The following GNS variants were observed in gnomAD, a reference collection of about 807,000 sequenced individuals.
The protein encoded by GNS is glucosamine (N-acetyl)-6-sulfatase, also known as N-acetylglucosamine-6-sulfatase.
Under a neutral mutation model 69.7 loss-of-function variants are expected in GNS, and 40 were observed. That is an observed-to-expected ratio of 0.57 (90% CI 0.45 to 0.75). GNS has a LOEUF of 0.75. Ranked by LOEUF, GNS falls within the 30% of genes least tolerant of loss-of-function variation. The pLI is 0.00. For synonymous variants in GNS, 243 were observed against 251.6 expected (o/e 0.97, Z 0.32); for missense variants, 565 against 685.5 (o/e 0.82, Z 1.96).
chr12:64,723,096 C>T lies in GNS; in HGVS notation c.1218G>A (p.Leu406=). 2 of 1,605,610 alleles carry T rather than the reference C, an allele frequency of 1.2e-6. No individual in the cohort carries two copies. The highest frequency in any genetic ancestry group is 8.5e-7 in the Non-Finnish European group (1 of 1,172,308). The change falls in exon 11 of 14, where the codon TTG becomes TTA. Residue 406 remains leucine, a synonymous_variant. Coordinates refer to ENST00000258145, the MANE Select transcript of GNS (RefSeq NM_002076.4). ...LLPILRGASN[L]TWRSDVLVEY... Reference sequence around the variant, plus strand: ...CCACCAGGACATCTGATCGCCAGGTCAAGTTACTGGCACCTCTCTAGAAAG... The same window carrying T: ...CCACCAGGACATCTGATCGCCAGGTTAAGTTACTGGCACCTCTCTAGAAAG...
chr12:64,724,967 C>T (rs1869150098), intron 10 of GNS, among the ~76,000 whole-genome samples: 1 of 152,258 alleles, frequency 6.6e-6, no homozygotes, highest in African/African-American at 2.4e-5. Context: ...CAAAATCCCA[C>T]CCTTGAATGT....
intron 2 of GNS, among the ~76,000 whole-genome samples, chr12:64,749,934 G>C (rs1364287099): frequency 6.9e-6 from 1 of 145,466 alleles, no homozygotes; most frequent in African/African-American, 2.6e-5. Flanking sequence ...GGAGTACAGT[G>C]GTGCGATCTC....
Position 64,714,505 on chromosome 12 carries a change from A to T in GNS, c.*2236T>A, listed in dbSNP as rs1421160330. 6.6e-6 allele frequency: 1 copy of T among 152,232 alleles called. No homozygotes were observed. The highest frequency in any genetic ancestry group is 2.4e-5 in the African/African-American group (1 of 41,462). 9.4% of individuals were successfully genotyped at this position (152,232 alleles called of 1,614,324 possible). A position where few individuals can be genotyped will look rare whatever the true frequency, so the allele number is the denominator to read the frequency against. ...ACAAATTCAGAATGAAGCCAGTCCA[A>T]GAAAAAAAGAATTGGAAGCTATTTG... On this transcript the variant is annotated 3_prime_UTR_variant, in exon 14 of 14. Transcript: ENST00000258145.
chr12:64,743,069 G>A, intron 6 of GNS, 72 bp downstream of exon 6: 4 of 1,183,574 alleles, frequency 3.4e-6, no homozygotes, highest in Non-Finnish European at 5.1e-6. Context: ...ATGGCTCAAA[G>A]GCTTCCTGAC....
rs750298530 is a variant in GNS, at chr12:64,740,669, C to T, written c.812G>A (p.Arg271Lys). 6.4e-7 allele frequency: 1 copy of T among 1,573,342 alleles called. No individual in the cohort carries two copies. The highest frequency in any genetic ancestry group is 8.7e-7 in the Non-Finnish European group (1 of 1,143,218). Residue 271 changes from arginine to lysine, a missense_variant, in exon 7 of 14, where the codon AGG becomes AAG. Arg to Lys is a conservative substitution (Grantham distance 26). Around this residue, in one of 2 missense-constraint regions of GNS, gnomAD observed 384 missense variants for 511.0 expected, o/e 0.75. Coordinates refer to ENST00000258145, the MANE Select transcript of GNS (RefSeq NM_002076.4). ...IHGTNKHWLI[R>K]QAKTPMTNSS... is the part of the protein sequence containing the mutation. Reference sequence around the variant, plus strand: ...ATTAGTCATTGGAGTCTTGGCTTGCCTAATTAACCAGTGCTTGTTCTAAAA... The same window carrying T: ...ATTAGTCATTGGAGTCTTGGCTTGCTTAATTAACCAGTGCTTGTTCTAAAA...
At chr12:64,756,578 C>G (rs1316986945) in intron 1 of GNS, 1 of 608,692 alleles carries the variant, frequency 1.6e-6, no homozygotes, top group Admixed American at 2.8e-5. Context: ...TAACCACCTT[C>G]CAGTTTTAGT....
rs368523842 is a variant in GNS, at chr12:64,716,422, G to A, written c.*319C>T. 5.5e-5 allele frequency: 22 copies of A among 402,082 alleles called. No individual in the cohort carries two copies. The highest frequency in any genetic ancestry group is 9.0e-5 in the Non-Finnish European group (19 of 212,290). 24.9% of individuals were successfully genotyped at this position (402,082 alleles called of 1,614,324 possible). A position where few individuals can be genotyped will look rare whatever the true frequency, so the allele number is the denominator to read the frequency against. On this transcript the variant is annotated 3_prime_UTR_variant, in exon 14 of 14. Coordinates refer to ENST00000258145, the MANE Select transcript of GNS (RefSeq NM_002076.4). The stretch of plus-strand genomic sequence containing the variant: ...TTATCTGAATGGGTTTACAAATTCA[G>A]TCTTTAACCACAAGAGGAATAATCA...
rs1869938389 is a variant in GNS, at chr12:64,747,728, C to T, written c.443G>A (p.Gly148Glu). ...SMCGYQTFFA[G>E]KYLNEYGAPD... ...TCAACATACCTCATTTAAATATTTC[C>T]CTGCAAAAAAGGTCTGATAACCACA... Residue 148 changes from glycine (G) to glutamate (E), a missense_variant, in exon 3 of 14, where the codon GGG (glycine) becomes GAG (glutamate). By Grantham distance (98) the Gly-to-Glu change is moderately conservative. Coordinates refer to ENST00000258145, the MANE Select transcript of GNS (RefSeq NM_002076.4). 4 of 1,592,202 alleles carry T rather than the reference C, an allele frequency of 2.5e-6. No individual in the cohort carries two copies. Among genetic ancestry groups the T allele is most frequent in the Non-Finnish European group, 3.4e-6 (4 of 1,160,288 alleles).
At chr12:64,720,366 A>G (rs1156299747) in intron 12 of GNS, among the ~76,000 whole-genome samples, 184 bp from the exon 13 acceptor site, 1 of 151,912 alleles carries the variant, frequency 6.6e-6, no homozygotes. Context: ...CCTTGAGATG[A>G]GGGAGCATCT....
intron 10 of GNS, among the ~76,000 whole-genome samples, chr12:64,727,542 C>T (rs926165506): frequency 1.3e-5 from 2 of 152,154 alleles, no homozygotes; most frequent in African/African-American, 2.4e-5. Flanking sequence ...TATTCACACA[C>T]AGAATGTTAT....
chr12:64,739,319 T>G, intron 8 of GNS, 62 bp downstream of exon 8: 3 of 883,396 alleles, frequency 3.4e-6, no homozygotes, highest in Non-Finnish European at 5.9e-6. Context: ...CCAGGGCTCA[T>G]TGGGTGAAAA....
At chr12:64,734,522 G>T (rs1291566065) in intron 9 of GNS, among the ~76,000 whole-genome samples, 1 of 152,182 alleles carries the variant, frequency 6.6e-6, no homozygotes, top group Non-Finnish European at 1.5e-5. Flanking sequence ...CATTCCAGAA[G>T]GAAGGAGTAG....
At chr12:64,719,596 C>A (rs1471936458) in intron 13 of GNS, among the ~76,000 whole-genome samples, 1 of 152,004 alleles carries the variant, frequency 6.6e-6, no homozygotes, top group Non-Finnish European at 1.5e-5. Context: ...TTAAATTCAC[C>A]AGCAAACATT....
intron 6 of GNS, among the ~76,000 whole-genome samples, chr12:64,741,349 G>A (rs1248661500): frequency 1.3e-5 from 2 of 151,080 alleles, no homozygotes; most frequent in African/African-American, 2.4e-5. Flanking sequence ...ACAGTGGCAC[G>A]ATCTCGGCTC....
chr12:64,750,924 A>T (rs980021362), intron 2 of GNS, among the ~76,000 whole-genome samples: 4 of 152,256 alleles, frequency 2.6e-5, no homozygotes, highest in African/African-American at 9.6e-5. Context: ...AAAAAAAGAA[A>T]GAAATGTATA....
At chr12:64,739,921 C>G (rs1276968449) in intron 7 of GNS, among the ~76,000 whole-genome samples, 1 of 152,176 alleles carries the variant, frequency 6.6e-6, no homozygotes, top group Non-Finnish European at 1.5e-5. Flanking sequence ...TACAAAAAAG[C>G]TTAAGATGTT....
At chr12:64,722,765 C>T (rs965974543) in intron 11 of GNS, 31 of 490,730 alleles carry the variant, frequency 6.3e-5, no homozygotes, top group African/African-American at 2.9e-4. Flanking sequence ...GATAAGAACA[C>T]GGGTGGATAC....
chr12:64,753,083 T>C, intron 1 of GNS: 2 of 322,440 alleles, frequency 6.2e-6, no homozygotes, highest in Non-Finnish European at 1.2e-5. Flanking sequence ...TCTTTAGAAG[T>C]AGGATGTGGG....
intron 6 of GNS, among the ~76,000 whole-genome samples, chr12:64,742,302 G>A (rs1485310153): frequency 2.6e-5 from 4 of 152,228 alleles, no homozygotes; most frequent in Admixed American, 6.5e-5. Context: ...TTACAGGCAT[G>A]AGCCACTGCG....
Sources: allele counts gnomAD v4.1 joint callset (sites outside exome capture counted in the v4.1 genomes callset), GRCh38; gene constraint gnomAD v4.1.1; regional missense constraint gnomAD v4.1.1; transcripts MANE v1.5; gene names NCBI Gene and HGNC (gene_info 2026-07-23, HGNC 2026-07-21).